PTPRQ: variants seen among roughly 807,000 people sequenced by gnomAD.
PTPRQ encodes phosphatidylinositol phosphatase PTPRQ.
A neutral mutation model predicts 246.0 loss-of-function variants in PTPRQ; 199 were observed. The ratio of observed to expected loss-of-function variants is 0.81; its 90% CI spans 0.72 to 0.91. The LOEUF (loss-of-function observed/expected upper bound fraction) is 0.91. Among genes scored for constraint, PTPRQ ranks in the 40% least tolerant of loss-of-function variants. The pLI is 0.00. For missense variants in PTPRQ, 2,624 were observed against 2,528.4 expected (o/e 1.04, Z -0.81); for synonymous variants, 869 against 853.2 (o/e 1.02, Z -0.32).
chr12:80,676,653 A>G (rs933060286), intron 43 of PTPRQ, among the ~76,000 whole-genome samples: 24 of 152,092 alleles, frequency 1.6e-4, no homozygotes, highest in Admixed American at 1.3e-4. Context: ...AACAACAACA[A>G]CAACAAAACC....
At chr12:80,590,735 T>C (rs926173377) in intron 26 of PTPRQ, among the ~76,000 whole-genome samples, 1 of 151,886 alleles carries the variant, frequency 6.6e-6, no homozygotes, top group African/African-American at 2.4e-5. Context: ...ATTTTACATT[T>C]CTTAACATGG....
intron 3 of PTPRQ, among the ~76,000 whole-genome samples, chr12:80,446,196 A>G (rs1892547622): frequency 6.6e-6 from 1 of 150,954 alleles, no homozygotes; most frequent in African/African-American, 2.4e-5. Context: ...ACGTATGAAA[A>G]TTGTATAATA....
chr12:80,449,491 G>A (rs987243583), intron 3 of PTPRQ, among the ~76,000 whole-genome samples: 6 of 152,126 alleles, frequency 3.9e-5, no homozygotes, highest in Non-Finnish European at 8.8e-5. Context: ...TTTACTTCTA[G>A]GGTTTTTATG....
intron 25 of PTPRQ, among the ~76,000 whole-genome samples, chr12:80,583,336 A>AT (rs1283605347): frequency 3.9e-5 from 6 of 152,088 alleles, no homozygotes; most frequent in African/African-American, 1.4e-4. Context: ...TTTTTGAGTG[A>AT]TTTTTTTCAA....
chr12:80,569,580 C>CAA (rs924330501), intron 25 of PTPRQ, among the ~76,000 whole-genome samples: 2 of 150,768 alleles, frequency 1.3e-5, no homozygotes, highest in Non-Finnish European at 3.0e-5. Context: ...AAGAACAAAA[C>CAA]AAAAAAAATT....
chr12:80,598,999 C>A (rs1483737148), intron 26 of PTPRQ, among the ~76,000 whole-genome samples: 1 of 151,870 alleles, frequency 6.6e-6, no homozygotes. Context: ...TAGTATCAGG[C>A]ACAACAAAAC....
chr12:80,572,078 T>C (rs1049715201), intron 25 of PTPRQ, among the ~76,000 whole-genome samples: 1 of 152,160 alleles, frequency 6.6e-6, no homozygotes, highest in East Asian at 1.9e-4. Flanking sequence ...GGCATTTTCA[T>C]TGGGATTGCA....
At chr12:80,571,680 A>T (rs1464841046) in intron 25 of PTPRQ, among the ~76,000 whole-genome samples, 1 of 151,994 alleles carries the variant, frequency 6.6e-6, no homozygotes, top group Non-Finnish European at 1.5e-5. Context: ...TTTTTGATTC[A>T]TCTTGAATTT....
Position 80,670,400 on chromosome 12 carries a change from G to A in PTPRQ, c.6510G>A (p.Gly2170=). The A allele has an allele frequency of 1.3e-6, 2 of 1,551,154 alleles. No homozygotes were observed. Among genetic ancestry groups the A allele is most frequent in the Non-Finnish European group, 1.7e-6 (2 of 1,146,618 alleles). ...ACTTTACTGCCTGGCCAGAGCATGG[G>A]GTTCCTGAGAACAGCGCCCCTCTAA... ...QCNFTAWPEH[G]VPENSAPLIH... Residue 2170 remains glycine (G), a synonymous_variant, in exon 42 of 45, where the codon GGG becomes GGA. Transcript: ENST00000644991.
At chr12:80,547,543 A>C (rs1896343926) in intron 24 of PTPRQ, among the ~76,000 whole-genome samples, 1 of 152,104 alleles carries the variant, frequency 6.6e-6, no homozygotes, top group African/African-American at 2.4e-5. Context: ...GCTACCTGAC[A>C]CTGTTTTTCG....
intron 23 of PTPRQ, among the ~76,000 whole-genome samples, chr12:80,545,336 A>G (rs1402846925): frequency 5.3e-5 from 8 of 152,146 alleles, no homozygotes; most frequent in Non-Finnish European, 1.2e-4. Context: ...GTGAATTTCT[A>G]GAGATTATTT....
At chr12:80,562,792 T>C (rs980359051) in intron 25 of PTPRQ, among the ~76,000 whole-genome samples, 48 of 151,976 alleles carry the variant, frequency 3.2e-4, no homozygotes, top group African/African-American at 1.1e-3. Context: ...TCAATGAAAT[T>C]GAAAACAGAA....
Position 80,495,090 on chromosome 12 carries a change from G to A in PTPRQ, c.1698G>A (p.Gln566=). 1 of 1,550,400 alleles carries A rather than the reference G, an allele frequency of 6.4e-7. No individual in the cohort carries two copies. The highest frequency in any genetic ancestry group is 1.2e-5 in the South Asian group (1 of 84,024). ...CAGTTCTCAGTGTTAGGACACGTCA[G>A]CAAGGTAAGGATGTATTTCCTTTGA... The part of the protein sequence containing the change: ...PPTVLSVRTR[Q]QVPSSIKIIN... Residue 566 remains glutamine (Q), a synonymous_variant, in exon 11 of 45, where the codon CAG becomes CAA. Coordinates refer to ENST00000644991, the MANE Select transcript of PTPRQ (RefSeq NM_001145026.2).
chr12:80,609,611 T>C (rs1898472034), intron 27 of PTPRQ, among the ~76,000 whole-genome samples: 1 of 150,602 alleles, frequency 6.6e-6, no homozygotes, highest in Non-Finnish European at 1.5e-5. Context: ...GAACAAATCA[T>C]ATAGCTACAT....
At chr12:80,549,407 C>T in intron 24 of PTPRQ, 58 bp from the exon 25 acceptor site, 5 of 1,451,846 alleles carry the variant, frequency 3.4e-6, no homozygotes, top group Non-Finnish European at 4.6e-6. Context: ...GTAATTCAAT[C>T]AATTATCTAC....
intron 42 of PTPRQ, among the ~76,000 whole-genome samples, chr12:80,671,743 A>T (rs1900977132): frequency 6.6e-6 from 1 of 152,018 alleles, no homozygotes; most frequent in African/African-American, 2.4e-5. Context: ...CTCCAAATTC[A>T]CCCCTGCTCT....
intron 6 of PTPRQ, among the ~76,000 whole-genome samples, chr12:80,466,838 C>A (rs1469829550): frequency 1.3e-5 from 2 of 152,034 alleles, no homozygotes; most frequent in South Asian, 2.1e-4. Context: ...CTTCCTTATA[C>A]CTTATACAAA....
rs1274295325 is a variant in PTPRQ, at chr12:80,495,010, A to G, written c.1618A>G (p.Thr540Ala). The G allele has an allele frequency of 6.4e-7, 1 of 1,550,522 alleles. No homozygotes were observed. Among genetic ancestry groups the G allele is most frequent in the East Asian group, 2.4e-5 (1 of 40,844 alleles). Reference sequence around the variant, plus strand: ...TGTTATCAGGAGACTTGTACCTTTCACTGAGCACATGATTAGTGTATCTGC... The same window carrying G: ...TGTTATCAGGAGACTTGTACCTTTCGCTGAGCACATGATTAGTGTATCTGC... ...SYVIRRLVPF[T>A]EHMISVSAFT... Residue 540 changes from threonine to alanine, a missense_variant, in exon 11 of 45, where the codon ACT (threonine) becomes GCT (alanine). By Grantham distance (58) the Thr-to-Ala change is moderately conservative. Transcript: ENST00000644991.
chr12:80,679,758 C>A lies in PTPRQ; in HGVS notation c.*735C>A, dbSNP rs997940279. ...GTAAACTTTAAAACACAAGTTTTAC[C>A]CCCTGTATTGTATATTCAAATATAT... is the stretch of plus-strand genomic sequence containing the variant. On this transcript the variant is annotated 3_prime_UTR_variant, in exon 45 of 45. Transcript: ENST00000644991. The A allele has an allele frequency of 2.6e-5, 4 of 151,904 alleles. No homozygotes were observed. The highest frequency in any genetic ancestry group is 7.2e-5 in the African/African-American group (3 of 41,382). 9.4% of individuals were successfully genotyped at this position (151,904 alleles called of 1,614,324 possible).
Sources: gnomAD v4.1 joint callset for allele counts (sites outside exome capture counted in the v4.1 genomes callset) on GRCh38, gnomAD v4.1.1 for gene constraint, MANE v1.5 for transcripts, NCBI Gene and HGNC (gene_info 2026-07-23, HGNC 2026-07-21) for gene names.